Variants in FMNL3 observed in about 807,000 individuals in gnomAD.
The protein encoded by FMNL3 is formin like 3.
FMNL3 carries 57 observed loss-of-function variants against 119.6 expected under a neutral mutation model. The ratio of observed to expected loss-of-function variants is 0.48; its 90% CI spans 0.39 to 0.59. FMNL3 has a LOEUF of 0.59. Among genes scored for constraint, FMNL3 ranks in the 20% least tolerant of loss-of-function variants. FMNL3 has a pLI of 0.00. For synonymous variants in FMNL3, 491 were observed against 507.3 expected, an observed-to-expected ratio of 0.97 and a Z score of 0.43; for missense variants, 1,053 against 1,323.5, an observed-to-expected ratio of 0.80 and a Z score of 3.17.
At chr12:49,700,250 G>A (rs577508398) in intron 1 of FMNL3, among the ~76,000 whole-genome samples, 2 of 151,868 alleles carry the variant, frequency 1.3e-5, no homozygotes, top group Non-Finnish European at 2.9e-5. Context: ...AAATTAGCCA[G>A]GCGTGGTGGC....
At chr12:49,671,971 C>T (rs1049700169) in intron 1 of FMNL3, among the ~76,000 whole-genome samples, 7 of 152,140 alleles carry the variant, frequency 4.6e-5, no homozygotes, top group Non-Finnish European at 7.4e-5. Flanking sequence ...CATCCATAAA[C>T]GAGATAATCT....
intron 1 of FMNL3, among the ~76,000 whole-genome samples, chr12:49,674,028 G>C (rs1466938302): frequency 6.6e-6 from 1 of 152,212 alleles, no homozygotes; most frequent in Non-Finnish European, 1.5e-5. Context: ...GGCTGGGGTA[G>C]CACAGGGGAG....
chr12:49,654,993 G>A lies in FMNL3; in HGVS notation c.886-9C>T. On this transcript the variant is annotated splice_polypyrimidine_tract_variant and intron_variant, in intron 9 of 25. Coordinates refer to ENST00000335154, the MANE Select transcript of FMNL3 (RefSeq NM_175736.5). ...TGCAGCTCCTTGCATACCTGAATGA[G>A]CAAACTTTCTCAGTGAAAGGATCTG... is the stretch of plus-strand genomic sequence containing the variant. The A allele has an allele frequency of 1.2e-6, 2 of 1,613,584 alleles. No homozygotes were observed.
In FMNL3 at chr12:49,637,654, A is replaced by C. The variant is rs116701528; in HGVS notation, c.*8161T>G. The C allele has an allele frequency of 5.5e-3, 8,535 of 1,553,548 alleles. 187 individuals are homozygous for C. The African/African-American group carries it at 0.058, about 11-fold the overall frequency. On this transcript the variant is annotated 3_prime_UTR_variant, in exon 26 of 26. Coordinates refer to ENST00000335154, the MANE Select transcript of FMNL3 (RefSeq NM_175736.5). The stretch of plus-strand genomic sequence containing the variant: ...TGCCAGCCTCTCTGCACCCCCTACT[A>C]CCGGCTCCTGTCCTCGGCCCAGCCC...
intron 1 of FMNL3, among the ~76,000 whole-genome samples, chr12:49,686,822 G>A (rs916746934): frequency 3.3e-5 from 5 of 152,024 alleles, no homozygotes; most frequent in African/African-American, 1.2e-4. Flanking sequence ...CACCCTACCC[G>A]GCCCTGCAGA....
In FMNL3 at chr12:49,637,848, T is replaced by C; in HGVS notation, c.*7967A>G. 6.4e-7 allele frequency: 1 copy of C among 1,559,510 alleles called. No homozygotes were observed. The stretch of plus-strand genomic sequence containing the variant: ...AGGTGAGGGAGGCTGGGGTTATGGA[T>C]GGATACAGGATGGATGCAGGGCACA... On this transcript the variant is annotated 3_prime_UTR_variant, in exon 26 of 26. Transcript: ENST00000335154.
chr12:49,636,984 C>T lies in FMNL3; in HGVS notation c.*8831G>A. ...GCCCTGTCCAAGCTCTATGAGACCT[C>T]TCTCTGCCTGCAGTCTGTTTCTGCT... On this transcript the variant is annotated 3_prime_UTR_variant, in exon 26 of 26. Transcript: ENST00000335154. The T allele has an allele frequency of 7.7e-7, 1 of 1,298,688 alleles. No individual in the cohort carries two copies. Among genetic ancestry groups the T allele is most frequent in the South Asian group, 1.4e-5 (1 of 72,832 alleles). The allele number at this position is 1,298,688 out of a possible 1,614,324, so 80.4% of individuals were successfully genotyped here.
intron 6 of FMNL3, among the ~76,000 whole-genome samples, chr12:49,658,067 C>G (rs974753119): frequency 2.6e-5 from 4 of 152,034 alleles, no homozygotes; most frequent in African/African-American, 9.7e-5. Flanking sequence ...TAGAGGGAAA[C>G]AGAATGAGAG....
chr12:49,692,042 A>G (rs1198353501), intron 1 of FMNL3, among the ~76,000 whole-genome samples: 1 of 143,454 alleles, frequency 7.0e-6, no homozygotes, highest in African/African-American at 2.9e-5. Flanking sequence ...CTCAAAAAAA[A>G]AAAAAAAAAA....
intron 1 of FMNL3, among the ~76,000 whole-genome samples, chr12:49,701,214 A>G (rs1234607309): frequency 2.0e-5 from 3 of 152,156 alleles, no homozygotes; most frequent in African/African-American, 7.2e-5. Context: ...AAATATATAT[A>G]CACGTACATC....
At chr12:49,686,451 G>A (rs946153104) in intron 1 of FMNL3, among the ~76,000 whole-genome samples, 10 of 151,522 alleles carry the variant, frequency 6.6e-5, no homozygotes, top group African/African-American at 2.4e-4. Flanking sequence ...GGTGGCGGGC[G>A]CCTGTAGTCC....
chr12:49,693,901 G>C (rs879922166), intron 1 of FMNL3, among the ~76,000 whole-genome samples: 4 of 151,736 alleles, frequency 2.6e-5, no homozygotes, highest in Non-Finnish European at 5.9e-5. Context: ...GCCCATTTCG[G>C]CCTCCTCAAG....
In FMNL3 at chr12:49,694,405, G is replaced by A. The variant is rs534996596; in HGVS notation, c.126+12650C>T. On this transcript the variant is annotated intron_variant, in intron 1 of 25. Transcript: ENST00000335154. ...TTTTTACGTTAAACAATGTAGCCCCGATTATTCCTTACATGCACCTTCCGT... is the reference window on the plus strand; with the variant it reads ...TTTTTACGTTAAACAATGTAGCCCCAATTATTCCTTACATGCACCTTCCGT... Among the ~76,000 whole-genome samples, 18 of 152,242 alleles carry A rather than the reference G, an allele frequency of 1.2e-4. No homozygotes were observed. The East Asian group carries it at 2.1e-3, about 18-fold the overall frequency.
intron 1 of FMNL3, among the ~76,000 whole-genome samples, chr12:49,702,831 A>G: frequency 6.6e-6 from 1 of 152,046 alleles, no homozygotes; most frequent in East Asian, 1.9e-4. Context: ...AATTCACCAC[A>G]ATCCTGAGGG....
rs1432210477 is a variant in FMNL3, at chr12:49,637,568, C to T, written c.*8247G>A. 5.0e-6 allele frequency: 8 copies of T among 1,613,614 alleles called. No homozygotes were observed. In the South Asian group the frequency reaches 8.8e-5, roughly 18 times the overall value. ...TCAGCACTGATGTCCGCTTTGCCAACATGCTGGGCCAGCCGGGTAAGGCAG... is the reference window on the plus strand; with the variant it reads ...TCAGCACTGATGTCCGCTTTGCCAATATGCTGGGCCAGCCGGGTAAGGCAG... On this transcript the variant is annotated 3_prime_UTR_variant, in exon 26 of 26. Coordinates refer to ENST00000335154, the MANE Select transcript of FMNL3 (RefSeq NM_175736.5).
chr12:49,641,286 G>C lies in FMNL3; in HGVS notation c.*4529C>G, dbSNP rs2138627485. 1 of 152,456 alleles carries C rather than the reference G, an allele frequency of 6.6e-6. No homozygotes were observed. The highest frequency in any genetic ancestry group is 2.4e-5 in the African/African-American group (1 of 41,554). 9.4% of individuals were successfully genotyped at this position (152,456 alleles called of 1,614,324 possible). ...CATGGACTAAGTCATCTGGGTGGGTGTGGTGCTTGAAAGCAGACACTTTGG... is the reference window on the plus strand; with the variant it reads ...CATGGACTAAGTCATCTGGGTGGGTCTGGTGCTTGAAAGCAGACACTTTGG... On this transcript the variant is annotated 3_prime_UTR_variant, in exon 26 of 26. Coordinates refer to ENST00000335154, the MANE Select transcript of FMNL3 (RefSeq NM_175736.5).
intron 3 of FMNL3, 43 bp downstream of exon 3, chr12:49,666,084 T>C (rs767716774): frequency 1.3e-6 from 2 of 1,595,708 alleles, no homozygotes; most frequent in East Asian, 2.2e-5. Context: ...CCCACAGGAC[T>C]ATAAAGGGTG....
chr12:49,638,114 T>C lies in FMNL3; in HGVS notation c.*7701A>G. Reference sequence around the variant, plus strand: ...ACATTTGAACTGTGCATTTAGAAATTTGTAGGTGGAAGAGGTTGGAGTGTA... The same window carrying C: ...ACATTTGAACTGTGCATTTAGAAATCTGTAGGTGGAAGAGGTTGGAGTGTA... On this transcript the variant is annotated 3_prime_UTR_variant, in exon 26 of 26. Transcript: ENST00000335154. 2.6e-6 allele frequency: 1 copy of C among 377,624 alleles called. No homozygotes were observed. The allele number at this position is 377,624 out of a possible 1,614,324, so 23.4% of individuals were successfully genotyped here. A position where few individuals can be genotyped will look rare whatever the true frequency, so the allele number is the denominator to read the frequency against.
At chr12:49,652,705 C>A (rs1943442600) in intron 13 of FMNL3, among the ~76,000 whole-genome samples, 2 of 152,290 alleles carry the variant, frequency 1.3e-5, no homozygotes, top group South Asian at 4.1e-4. Context: ...ACATATTGAG[C>A]TCAACAGAGC....
Sources: allele counts gnomAD v4.1 joint callset (sites outside exome capture counted in the v4.1 genomes callset), GRCh38; gene constraint gnomAD v4.1.1; transcripts MANE v1.5; gene names NCBI Gene and HGNC (gene_info 2026-07-23, HGNC 2026-07-21).